OR5A1: variants seen among roughly 807,000 people sequenced by gnomAD.
OR5A1 encodes olfactory receptor 5A1.
A neutral mutation model predicts 6.7 loss-of-function variants in OR5A1; 6 were observed. The ratio of observed to expected loss-of-function variants is 0.89; its 90% CI spans 0.49 to 1.76. The LOEUF (loss-of-function observed/expected upper bound fraction) is 1.76. Among genes scored for constraint, OR5A1 ranks in the 40% most tolerant of loss-of-function variants. The pLI is 0.01. For missense variants in OR5A1, 378 were observed against 381.7 expected, an observed-to-expected ratio of 0.99 and a Z score of 0.08; for synonymous variants, 170 against 155.0, an observed-to-expected ratio of 1.10 and a Z score of -0.72.
At position 59,444,035 on chromosome 11, in the gene OR5A1, C is replaced by T. The variant is rs1187594505; in HGVS notation, c.867C>T (p.Asn289=). 6.2e-7 allele frequency: 1 copy of T among 1,614,050 alleles called. No homozygotes were observed. The highest frequency in any genetic ancestry group is 1.1e-5 in the South Asian group (1 of 91,072). Residue 289 remains asparagine (N), a synonymous_variant, in exon 2 of 2, where the codon AAC becomes AAT. Coordinates refer to ENST00000641045, the MANE Select transcript of OR5A1 (RefSeq NM_001004728.2). The part of the protein sequence containing the change: ...VFYSLVIPML[N]PLIYSLRNKE... Reference sequence around the variant, plus strand: ...ATTCATTGGTGATCCCCATGCTGAACCCTCTCATTTACAGTTTGAGGAACA... The same window carrying T: ...ATTCATTGGTGATCCCCATGCTGAATCCTCTCATTTACAGTTTGAGGAACA...
rs867398801 is a variant in OR5A1 at position 59,436,498 on chromosome 11, A to T, written c.-371A>T. The stretch of plus-strand genomic sequence containing the variant: ...AACATCTCCAAGGACAGAAGAAAAA[A>T]ACCTCTCCCCAATTTACCCCCAACC... On this transcript the variant is annotated 5_prime_UTR_variant, in exon 1 of 2. Coordinates refer to ENST00000641045, the MANE Select transcript of OR5A1 (RefSeq NM_001004728.2). The T allele has an allele frequency of 6.6e-6, 1 of 152,086 alleles. No individual in the cohort carries two copies. Among genetic ancestry groups the T allele is most frequent in the Admixed American group, 6.6e-5 (1 of 15,256 alleles). 9.4% of individuals were successfully genotyped at this position (152,086 alleles called of 1,614,324 possible). A position where few individuals can be genotyped will look rare whatever the true frequency, so the allele number is the denominator to read the frequency against.
chr11:59,436,766 A>G lies in OR5A1; in HGVS notation c.-103A>G, dbSNP rs1858420841. 1 of 152,186 alleles carries G rather than the reference A, an allele frequency of 6.6e-6. No homozygotes were observed. Among genetic ancestry groups the G allele is most frequent in the Non-Finnish European group, 1.5e-5 (1 of 68,026 alleles). 9.4% of individuals were successfully genotyped at this position (152,186 alleles called of 1,614,324 possible). On this transcript the variant is annotated 5_prime_UTR_variant, in exon 1 of 2. Coordinates refer to ENST00000641045, the MANE Select transcript of OR5A1 (RefSeq NM_001004728.2). ...TGGAAGCAGCCACTGAAACCCAATT[A>G]AACTCCTTCCAAAGCAGAACAACTC...
rs764775984 is a variant in OR5A1 at position 59,443,902 on chromosome 11, C to G, written c.734C>G (p.Ala245Gly). The G allele has an allele frequency of 6.2e-6, 10 of 1,613,982 alleles. No individual in the cohort carries two copies. The African/African-American group carries it at 8.0e-5, about 13-fold the overall frequency. Residue 245 changes from alanine (A) to glycine (G), a missense_variant, in exon 2 of 2, where the codon GCC becomes GGC. Coordinates refer to ENST00000641045, the MANE Select transcript of OR5A1 (RefSeq NM_001004728.2). The part of the protein sequence containing the change: ...EGRWKACNTC[A>G]SHLMVVTLLF... ...CGATGGAAAGCCTGCAACACGTGTG[C>G]CTCGCATCTGATGGTGGTGACTCTG...
In OR5A1 at chr11:59,443,703, C is replaced by A. The variant is rs1334144167; in HGVS notation, c.535C>A (p.His179Asn). The change falls in exon 2 of 2, where the codon CAC becomes AAC. Residue 179 changes from histidine to asparagine, a missense_variant. Transcript: ENST00000641045. ...LHFCGPNIIN[H>N]FFCDLPPVLA... ...CTTTTGCGGACCCAACATCATCAAC[C>A]ACTTCTTCTGCGACCTCCCACCAGT... The A allele has an allele frequency of 6.2e-7, 1 of 1,614,126 alleles. No homozygotes were observed. The highest frequency in any genetic ancestry group is 1.1e-5 in the South Asian group (1 of 91,082).
At chr11:59,437,014 A>T (rs1428939961) in intron 1 of OR5A1, among the ~76,000 whole-genome samples, 179 bp downstream of exon 1, 2 of 152,148 alleles carry the variant, frequency 1.3e-5, no homozygotes, top group Admixed American at 6.6e-5. Flanking sequence ...TGTACTTTTT[A>T]AAAAATAGAC....
At position 59,443,253 on chromosome 11, in the gene OR5A1, C is replaced by G. The variant is rs149121720; in HGVS notation, c.85C>G (p.Leu29Val). Residue 29 changes from leucine to valine, a missense_variant, in exon 2 of 2, where the codon CTC becomes GTC. Leu to Val is a conservative substitution (Grantham distance 32). Transcript: ENST00000641045. ...GFTDHPELQA[L>V]LFVTFLGIYL... ...CACAGACCATCCAGAACTCCAGGCCCTCCTCTTTGTGACCTTCCTGGGCAT... is the reference window on the plus strand; with the variant it reads ...CACAGACCATCCAGAACTCCAGGCCGTCCTCTTTGTGACCTTCCTGGGCAT... The G allele has an allele frequency of 1.4e-4, 224 of 1,613,868 alleles. 1 individual carries two copies. Among genetic ancestry groups the G allele is most frequent in the Non-Finnish European group, 1.9e-4 (222 of 1,179,970 alleles).
chr11:59,447,610 G>A lies in OR5A1; in HGVS notation c.*3494G>A, dbSNP rs1858566475. On this transcript the variant is annotated 3_prime_UTR_variant, in exon 2 of 2. Transcript: ENST00000641045. ...ATTGTCTGATCCTCACCCCTATTTG[G>A]TTGCAGTTACATCATTAGCTTCTTC... is the stretch of plus-strand genomic sequence containing the variant. 1.3e-5 allele frequency: 2 copies of A among 152,186 alleles called. No homozygotes were observed. Among genetic ancestry groups the A allele is most frequent in the South Asian group, 4.1e-4 (2 of 4,826 alleles). The allele number at this position is 152,186 out of a possible 1,614,324, so 9.4% of individuals were successfully genotyped here. A position where few individuals can be genotyped will look rare whatever the true frequency, so the allele number is the denominator to read the frequency against.
intron 1 of OR5A1, among the ~76,000 whole-genome samples, chr11:59,440,366 C>T (rs987907647): frequency 1.3e-5 from 2 of 152,242 alleles, no homozygotes; most frequent in Admixed American, 1.3e-4. Flanking sequence ...ACCACCACAC[C>T]TGGCTAGTAG....
At chr11:59,443,081 T>C in intron 1 of OR5A1, 55 bp from the exon 2 acceptor site, 2 of 966,440 alleles carry the variant, frequency 2.1e-6, no homozygotes. Flanking sequence ...CTCTCAGGCA[T>C]TTTGTAGTTA....
chr11:59,442,889 A>T (rs935893360), intron 1 of OR5A1, among the ~76,000 whole-genome samples: 7 of 152,230 alleles, frequency 4.6e-5, no homozygotes, highest in African/African-American at 1.7e-4. Flanking sequence ...TGGTGGAGGC[A>T]GGAGTTGATC....
chr11:59,446,461 T>C lies in OR5A1; in HGVS notation c.*2345T>C, dbSNP rs547612974. The C allele has an allele frequency of 2.0e-5, 3 of 152,206 alleles. No homozygotes were observed. The highest frequency in any genetic ancestry group is 4.4e-5 in the Non-Finnish European group (3 of 68,040). 9.4% of individuals were successfully genotyped at this position (152,206 alleles called of 1,614,324 possible). On this transcript the variant is annotated 3_prime_UTR_variant, in exon 2 of 2. Transcript: ENST00000641045. ...TCTTTTTGCTTAGGATTGTCTTGAC[T>C]ATACTAGCTCCTTGATTTTAACCAT...
chr11:59,444,980 G>A lies in OR5A1; in HGVS notation c.*864G>A, dbSNP rs1858530133. The stretch of plus-strand genomic sequence containing the variant: ...TTTCTTTAATATTTCACTAAATGTT[G>A]TATTTTTTTTCTTTTAATTTAATTT... On this transcript the variant is annotated 3_prime_UTR_variant, in exon 2 of 2. Coordinates refer to ENST00000641045, the MANE Select transcript of OR5A1 (RefSeq NM_001004728.2). The A allele has an allele frequency of 2.1e-5, 1 of 47,284 alleles. No homozygotes were observed. Among genetic ancestry groups the A allele is most frequent in the South Asian group, 1.1e-3 (1 of 912 alleles). The allele number at this position is 47,284 out of a possible 1,614,324, so 2.9% of individuals were successfully genotyped here.
intron 1 of OR5A1, among the ~76,000 whole-genome samples, chr11:59,440,358 C>G (rs1190353278): frequency 1.3e-5 from 2 of 152,174 alleles, no homozygotes; most frequent in African/African-American, 4.8e-5. Context: ...GGGCATAAAC[C>G]ACCACACCTG....
intron 1 of OR5A1, among the ~76,000 whole-genome samples, chr11:59,437,117 T>G (rs1444900819): frequency 6.6e-6 from 1 of 152,202 alleles, no homozygotes; most frequent in Non-Finnish European, 1.5e-5. Flanking sequence ...GCCTCCTCCA[T>G]GATCAATCTC....
rs1444352716 is a variant in OR5A1 at position 59,436,618 on chromosome 11, A to C, written c.-251A>C. 2.0e-5 allele frequency: 3 copies of C among 152,136 alleles called. No individual in the cohort carries two copies. Among genetic ancestry groups the C allele is most frequent in the East Asian group, 3.8e-4 (2 of 5,196 alleles). 9.4% of individuals were successfully genotyped at this position (152,136 alleles called of 1,614,324 possible). A position where few individuals can be genotyped will look rare whatever the true frequency, so the allele number is the denominator to read the frequency against. ...AGATTACAACCTCCATCCTTTCTTT[A>C]TATATCTTTTTCTTCCTTTACTCTG... On this transcript the variant is annotated 5_prime_UTR_variant, in exon 1 of 2. Transcript: ENST00000641045.
intron 1 of OR5A1, among the ~76,000 whole-genome samples, chr11:59,440,924 T>C (rs1858475123): frequency 6.6e-6 from 1 of 152,124 alleles, no homozygotes; most frequent in Admixed American, 6.6e-5. Flanking sequence ...CTTCACATTC[T>C]CCCATTATCC....
chr11:59,450,356 G>A lies in OR5A1; in HGVS notation c.*6240G>A, dbSNP rs1467546754. The A allele has an allele frequency of 6.6e-6, 1 of 152,112 alleles. No homozygotes were observed. The highest frequency in any genetic ancestry group is 1.9e-4 in the East Asian group (1 of 5,192). 9.4% of individuals were successfully genotyped at this position (152,112 alleles called of 1,614,324 possible). On this transcript the variant is annotated 3_prime_UTR_variant, in exon 2 of 2. Transcript: ENST00000641045. ...CCTCAGTTCCCAGAGACCTGAGTTG[G>A]CTGATTCCAGGTTCTCCTCTGGGTG...
chr11:59,443,573 C>G lies in OR5A1; in HGVS notation c.405C>G (p.Tyr135Ter). Reference protein sequence around the residue: ...RYAAISSPLLYPTIMTQGLCT... With the variant: ...RYAAISSPLL Reference sequence around the variant, plus strand: ...CAGCCATCTCCAGCCCCCTTCTCTACCCCACTATCATGACCCAGGGCCTCT... The same window carrying G: ...CAGCCATCTCCAGCCCCCTTCTCTAGCCCACTATCATGACCCAGGGCCTCT... The change falls in exon 2 of 2, where the codon TAC becomes TAG. Residue 135 changes from tyrosine (Y) to a stop codon, truncating the protein, a stop_gained. Coordinates refer to ENST00000641045, the MANE Select transcript of OR5A1 (RefSeq NM_001004728.2). LOFTEE classifies it high-confidence loss of function. 1 of 1,614,084 alleles carries G rather than the reference C, an allele frequency of 6.2e-7. No individual in the cohort carries two copies. Among genetic ancestry groups the G allele is most frequent in the Non-Finnish European group, 8.5e-7 (1 of 1,180,008 alleles).
rs1858583761 is a variant in OR5A1, at chr11:59,448,903, A to G, written c.*4787A>G. 1 of 152,130 alleles carries G rather than the reference A, an allele frequency of 6.6e-6. No homozygotes were observed. Among genetic ancestry groups the G allele is most frequent in the Non-Finnish European group, 1.5e-5 (1 of 68,030 alleles). The allele number at this position is 152,130 out of a possible 1,614,324, so 9.4% of individuals were successfully genotyped here. On this transcript the variant is annotated 3_prime_UTR_variant, in exon 2 of 2. Coordinates refer to ENST00000641045, the MANE Select transcript of OR5A1 (RefSeq NM_001004728.2). ...TAATATTGTTGATGAAATTTCTGTAATCGTTATCATACAAGGACTTTGCAT... is the reference window on the plus strand; with the variant it reads ...TAATATTGTTGATGAAATTTCTGTAGTCGTTATCATACAAGGACTTTGCAT...
Sources: gnomAD v4.1 joint callset for allele counts (sites outside exome capture counted in the v4.1 genomes callset) on GRCh38, gnomAD v4.1.1 for gene constraint, MANE v1.5 for transcripts, NCBI Gene and HGNC (gene_info 2026-07-23, HGNC 2026-07-21) for gene names.